The following SLC16A12 variants were observed in gnomAD, a reference collection of about 807,000 sequenced individuals.
The protein encoded by SLC16A12 is monocarboxylate transporter 12.
In SLC16A12, 17 loss-of-function variants were observed where a neutral mutation model predicts 42.4. The ratio of observed to expected loss-of-function variants is 0.40; its 90% CI spans 0.27 to 0.60. The LOEUF (loss-of-function observed/expected upper bound fraction) is 0.60. Among genes scored for constraint, SLC16A12 ranks in the 20% least tolerant of loss-of-function variants. The pLI, the probability that SLC16A12 is intolerant of heterozygous loss-of-function variation, is 0.42. For synonymous variants in SLC16A12, 224 were observed against 229.4 expected (o/e 0.98, Z 0.21); for missense variants, 544 against 623.0 (o/e 0.87, Z 1.35).
chr10:89,551,808 G>A (rs557110783), intron 2 of SLC16A12, among the ~76,000 whole-genome samples: 6 of 152,330 alleles, frequency 3.9e-5, no homozygotes, highest in African/African-American at 1.4e-4. Flanking sequence ...CAGCCATGTG[G>A]AACTGTAAGT....
intron 2 of SLC16A12, among the ~76,000 whole-genome samples, chr10:89,469,286 G>T (rs1231654693): frequency 6.6e-6 from 1 of 152,166 alleles, no homozygotes; most frequent in Non-Finnish European, 1.5e-5. Context: ...ACATGATGAT[G>T]TTCTTCTAAG....
intron 3 of SLC16A12, among the ~76,000 whole-genome samples, chr10:89,461,799 T>G (rs939471842): frequency 1.3e-5 from 2 of 152,232 alleles, no homozygotes; most frequent in Non-Finnish European, 2.9e-5. Context: ...TAAGCTAACT[T>G]ACCTTCTCAG....
intron 2 of SLC16A12, among the ~76,000 whole-genome samples, chr10:89,533,791 T>G (rs140208318): frequency 1.1e-4 from 17 of 152,016 alleles, no homozygotes; most frequent in African/African-American, 3.4e-4. Context: ...CAAAAGCAAT[T>G]TGATTAAATC....
At chr10:89,481,513 G>T (rs541709401) in intron 2 of SLC16A12, among the ~76,000 whole-genome samples, 3 of 152,110 alleles carry the variant, frequency 2.0e-5, no homozygotes, top group African/African-American at 7.2e-5. Context: ...CTCATACACA[G>T]ATTAAAAGTT....
chr10:89,433,118 A>T lies in SLC16A12; in HGVS notation c.1497T>A (p.Asp499Glu). 6.2e-7 allele frequency: 1 copy of T among 1,614,126 alleles called. No individual in the cohort carries two copies. The highest frequency in any genetic ancestry group is 8.5e-7 in the Non-Finnish European group (1 of 1,180,012). Residue 499 changes from aspartate (D) to glutamate (E), a missense_variant, in exon 8 of 8, where the codon GAT becomes GAA. Asp to Glu is a conservative substitution (Grantham distance 45, BLOSUM62 2). Coordinates refer to ENST00000371790, the MANE Select transcript of SLC16A12 (RefSeq NM_213606.4). ...SVAYSVAREL[D>E]QKHGEPVATA... is the part of the protein sequence containing the mutation. ...TAGCCACAGGCTCCCCATGTTTCTG[A>T]TCTAATTCTCTTGCCACAGAATAAG...
At chr10:89,441,081 G>A (rs755703989) in intron 5 of SLC16A12, 27 bp downstream of exon 5, 2 of 1,613,338 alleles carry the variant, frequency 1.2e-6, no homozygotes, top group South Asian at 1.1e-5. Context: ...GGAGTGGGGT[G>A]AGACAGGTGG....
chr10:89,520,794 G>C (rs536600045), intron 2 of SLC16A12, among the ~76,000 whole-genome samples: 1 of 150,372 alleles, frequency 6.7e-6, no homozygotes, highest in South Asian at 2.1e-4. Context: ...CCCTGCCCTT[G>C]AGCCTTAATG....
At chr10:89,515,576 C>T (rs1483805931) in intron 2 of SLC16A12, among the ~76,000 whole-genome samples, 1 of 152,128 alleles carries the variant, frequency 6.6e-6, no homozygotes, top group Non-Finnish European at 1.5e-5. Flanking sequence ...CTTCTTATCC[C>T]CGTTTTCCCA....
At chr10:89,488,730 C>T (rs189664011) in intron 2 of SLC16A12, among the ~76,000 whole-genome samples, 1 of 152,206 alleles carries the variant, frequency 6.6e-6, no homozygotes, top group African/African-American at 2.4e-5. Flanking sequence ...GAAGGACCAA[C>T]CCCTAACCTT....
intron 2 of SLC16A12, among the ~76,000 whole-genome samples, chr10:89,516,392 G>A (rs1187827862): frequency 6.6e-6 from 1 of 152,158 alleles, no homozygotes; most frequent in African/African-American, 2.4e-5. Context: ...TAAATGCTGT[G>A]ACAGACCATT....
chr10:89,525,105 C>T (rs1214155298), intron 2 of SLC16A12, among the ~76,000 whole-genome samples: 3 of 151,902 alleles, frequency 2.0e-5, no homozygotes, highest in African/African-American at 7.2e-5. Flanking sequence ...CCTGTAGTCC[C>T]AGCTACTCAG....
At chr10:89,520,350 CA>C (rs933884194) in intron 2 of SLC16A12, among the ~76,000 whole-genome samples, 28 of 152,210 alleles carry the variant, frequency 1.8e-4, no homozygotes, top group Admixed American at 1.0e-3. Context: ...TTTGCAACAT[CA>C]AAAAATTATG....
intron 2 of SLC16A12, among the ~76,000 whole-genome samples, chr10:89,470,357 C>A (rs1842473415): frequency 6.6e-6 from 1 of 152,232 alleles, no homozygotes; most frequent in Non-Finnish European, 1.5e-5. Context: ...GAGATAGTTT[C>A]CCTTTAACCT....
intron 2 of SLC16A12, among the ~76,000 whole-genome samples, chr10:89,472,642 A>G (rs1418160074): frequency 1.3e-5 from 2 of 151,184 alleles, no homozygotes; most frequent in East Asian, 3.9e-4. Flanking sequence ...CCAGGTGCCC[A>G]CAACCATGCC....
At chr10:89,485,237 G>A (rs1309999369) in intron 2 of SLC16A12, among the ~76,000 whole-genome samples, 1 of 152,234 alleles carries the variant, frequency 6.6e-6, no homozygotes, top group Non-Finnish European at 1.5e-5. Context: ...AGAGGCCAGG[G>A]ATGCTGCTGA....
intron 2 of SLC16A12, among the ~76,000 whole-genome samples, chr10:89,489,623 T>C (rs952090596): frequency 2.6e-5 from 4 of 152,214 alleles, no homozygotes; most frequent in Non-Finnish European, 5.9e-5. Flanking sequence ...ATTATAGGCA[T>C]GAGCCACCGT....
At chr10:89,552,838 G>A (rs1445169413) in intron 2 of SLC16A12, among the ~76,000 whole-genome samples, 1 of 152,144 alleles carries the variant, frequency 6.6e-6, no homozygotes, top group African/African-American at 2.4e-5. Flanking sequence ...GTTTTACACC[G>A]GAATTAGCCA....
intron 2 of SLC16A12, among the ~76,000 whole-genome samples, chr10:89,554,147 A>AAG (rs1363375178): frequency 1.7e-4 from 16 of 93,022 alleles, no homozygotes; most frequent in South Asian, 1.0e-3. Context: ...AAGGAAGGAA[A>AAG]GAAAGAAAGA....
chr10:89,528,430 A>G, intron 2 of SLC16A12, among the ~76,000 whole-genome samples: 1 of 152,236 alleles, frequency 6.6e-6, no homozygotes, highest in East Asian at 1.9e-4. Flanking sequence ...ACTTGAAAAT[A>G]GTTGGTTAAT....
Sources: allele counts gnomAD v4.1 joint callset (sites outside exome capture counted in the v4.1 genomes callset), GRCh38; gene constraint gnomAD v4.1.1; transcripts MANE v1.5; gene names NCBI Gene and HGNC (gene_info 2026-07-23, HGNC 2026-07-21).